The following RNF141 variants were observed in gnomAD, a reference collection of about 807,000 sequenced individuals.
RNF141 encodes ring finger protein 141, also known as C3HC4-like zinc finger protein.
In RNF141, 18 loss-of-function variants were observed where a neutral mutation model predicts 27.4. The ratio of observed to expected loss-of-function variants is 0.66; its 90% CI spans 0.45 to 0.97. The LOEUF (loss-of-function observed/expected upper bound fraction) is 0.97, where lower values mean the gene tolerates loss of function less well. RNF141 is among the 50% of genes least tolerant of loss of function. The probability of loss-of-function intolerance (pLI) is 0.00; values close to 1 mark genes in which losing one functional copy is unlikely to be tolerated. For missense variants in RNF141, 230 were observed against 279.4 expected, an observed-to-expected ratio of 0.82 and a Z score of 1.26; for synonymous variants, 97 against 96.6, an observed-to-expected ratio of 1.00 and a Z score of -0.02.
chr11:10,539,340 A>G (rs1850065143), intron 1 of RNF141, among the ~76,000 whole-genome samples: 1 of 152,108 alleles, frequency 6.6e-6, no homozygotes, highest in Admixed American at 6.5e-5. Flanking sequence ...TGACTAAATG[A>G]CAAGTACTGC....
At position 10,525,080 on chromosome 11, in the gene RNF141, A is replaced by AG. The variant is rs919562722; in HGVS notation, c.434+111dup. ...CTGATCTCAGATACAATACCAACTGAGAAAAAAAAAAGATTTAAGATGCTA... is the reference window on the plus strand; with the variant it reads ...CTGATCTCAGATACAATACCAACTGAGGAAAAAAAAAAGATTTAAGATGCTA... On this transcript the variant is annotated intron_variant, in intron 4 of 5. Transcript: ENST00000265981. The AG allele has an allele frequency of 9.4e-5, 50 of 529,364 alleles. No individual in the cohort carries two copies. The African/African-American group carries it at 2.0e-3, about 21-fold the overall frequency. 32.8% of individuals were successfully genotyped at this position (529,364 alleles called of 1,614,324 possible). A position where few individuals can be genotyped will look rare whatever the true frequency, so the allele number is the denominator to read the frequency against.
intron 2 of RNF141, among the ~76,000 whole-genome samples, chr11:10,531,155 T>TC (rs1284515220): frequency 2.0e-5 from 3 of 151,884 alleles, no homozygotes; most frequent in Non-Finnish European, 4.4e-5. Context: ...GGCAGGCAGA[T>TC]CACGAGGTCA....
chr11:10,532,537 A>ACACT (rs777997279), intron 2 of RNF141, among the ~76,000 whole-genome samples: 1 of 94,988 alleles, frequency 1.1e-5, no homozygotes, highest in Non-Finnish European at 2.4e-5. Flanking sequence ...ACACACACAC[A>ACACT]CCCCACAACT....
intron 3 of RNF141, 131 bp from the exon 4 acceptor site, chr11:10,525,504 G>GA (rs1849925242): frequency 4.8e-6 from 3 of 628,686 alleles, no homozygotes; most frequent in Non-Finnish European, 8.1e-6. Context: ...AATTACATAA[G>GA]AAAGCAAGAG....
At chr11:10,535,543 G>A (rs909404212) in intron 1 of RNF141, among the ~76,000 whole-genome samples, 1 of 150,734 alleles carries the variant, frequency 6.6e-6, no homozygotes, top group Non-Finnish European at 1.5e-5. Context: ...TATCCAAGAA[G>A]AAACAATTAA....
chr11:10,528,410 T>C (rs928707430), intron 3 of RNF141, among the ~76,000 whole-genome samples: 2 of 152,234 alleles, frequency 1.3e-5, no homozygotes, highest in African/African-American at 4.8e-5. Context: ...CCTGTGCCTT[T>C]AGTACTTTTG....
At position 10,525,367 on chromosome 11, in the gene RNF141, T is replaced by C. The variant is rs1019422158; in HGVS notation, c.259A>G (p.Lys87Glu). 4 of 1,554,484 alleles carry C rather than the reference T, an allele frequency of 2.6e-6. No individual in the cohort carries two copies. The African/African-American group carries it at 4.1e-5, about 16-fold the overall frequency. Residue 87 changes from lysine (K) to glutamate (E), a missense_variant, in exon 4 of 6, where the codon AAA (lysine) becomes GAA (glutamate). Transcript: ENST00000265981. Reference protein sequence around the residue: ...VVRVVCTKINKSSGIVEASRI... With the variant: ...VVRVVCTKINESSGIVEASRI... ...GATGCCTCCACAATGCCACTGCTTT[T>C]GTTAATCTAAAAATACAAAGAACAT... is the stretch of plus-strand genomic sequence containing the variant.
intron 2 of RNF141, chr11:10,532,125 C>T (rs4910154): frequency 0.67 from 199,191 of 298,502 alleles, 67,620 homozygotes; most frequent in East Asian, 0.84. Flanking sequence ...AAGGGCAAAA[C>T]TTCATACAAT....
At chr11:10,538,761 G>A (rs1324255220) in intron 1 of RNF141, among the ~76,000 whole-genome samples, 1 of 152,182 alleles carries the variant, frequency 6.6e-6, no homozygotes. Flanking sequence ...AGAAGCAGAA[G>A]TTAAAAATAT....
rs553764776 is a variant in RNF141, at chr11:10,514,540, T to G, written c.*376A>C. 22 of 158,968 alleles carry G rather than the reference T, an allele frequency of 1.4e-4. No homozygotes were observed. The highest frequency in any genetic ancestry group is 2.9e-4 in the Non-Finnish European group (21 of 72,684). The allele number at this position is 158,968 out of a possible 1,614,324, so 9.8% of individuals were successfully genotyped here. ...CTCAGATGGCTACAACTTTTTAATA[T>G]TCGAGGTTTATTTTATATCTAAGTA... On this transcript the variant is annotated 3_prime_UTR_variant, in exon 6 of 6. Coordinates refer to ENST00000265981, the MANE Select transcript of RNF141 (RefSeq NM_016422.4).
intron 1 of RNF141, among the ~76,000 whole-genome samples, chr11:10,538,148 AGT>A (rs1207430837): frequency 6.6e-6 from 1 of 152,220 alleles, no homozygotes; most frequent in Non-Finnish European, 1.5e-5. Flanking sequence ...CCTAACTTTG[AGT>A]AAAGTTTATA....
rs1490752532 is a variant in RNF141 at position 10,512,766 on chromosome 11, A to AT, written c.*2149dup. The AT allele has an allele frequency of 2.0e-5, 3 of 149,540 alleles. No individual in the cohort carries two copies. The highest frequency in any genetic ancestry group is 3.0e-5 in the Non-Finnish European group (2 of 67,296). 9.3% of individuals were successfully genotyped at this position (149,540 alleles called of 1,614,324 possible). Reference sequence around the variant, plus strand: ...AATTTGACTTGAATTTAATTAAAAAATTTTTTTAAAAAAAACGACTCCCAC... The same window carrying AT: ...AATTTGACTTGAATTTAATTAAAAAATTTTTTTTAAAAAAAACGACTCCCAC... On this transcript the variant is annotated 3_prime_UTR_variant, in exon 6 of 6. Coordinates refer to ENST00000265981, the MANE Select transcript of RNF141 (RefSeq NM_016422.4).
chr11:10,537,495 T>C (rs566205028), intron 1 of RNF141, among the ~76,000 whole-genome samples: 74 of 152,304 alleles, frequency 4.9e-4, no homozygotes, highest in African/African-American at 1.8e-3. Flanking sequence ...ATACCTATGA[T>C]AATTTAACCA....
intron 5 of RNF141, chr11:10,517,461 T>G (rs1454792641): frequency 6.6e-6 from 1 of 151,928 alleles, no homozygotes; most frequent in Non-Finnish European, 1.5e-5. Flanking sequence ...GAAAAAATAA[T>G]GGCTGAAAAA....
At chr11:10,521,467 A>G (rs1849887181) in intron 4 of RNF141, among the ~76,000 whole-genome samples, 1 of 152,232 alleles carries the variant, frequency 6.6e-6, no homozygotes, top group African/African-American at 2.4e-5. Context: ...TAATAATATA[A>G]AAACTGACTG....
At chr11:10,530,772 G>A (rs1849979137) in intron 2 of RNF141, 21 bp from the exon 3 acceptor site, 3 of 1,467,090 alleles carry the variant, frequency 2.0e-6, no homozygotes, top group African/African-American at 1.4e-5. Context: ...ACAAGAACAT[G>A]TTAATTTTAT....
At chr11:10,519,264 A>G (rs1849867153) in intron 4 of RNF141, 123 bp from the exon 5 acceptor site, 1 of 635,590 alleles carries the variant, frequency 1.6e-6, no homozygotes, top group South Asian at 2.7e-5. Flanking sequence ...AATATGACTC[A>G]TGTGCAAAAT....
chr11:10,523,156 CAA>C (rs1849903402), intron 4 of RNF141, among the ~76,000 whole-genome samples: 1 of 152,176 alleles, frequency 6.6e-6, no homozygotes. Context: ...TCTTGCTATT[CAA>C]AGTGTTATCT....
intron 4 of RNF141, among the ~76,000 whole-genome samples, chr11:10,523,454 T>A (rs1388026709): frequency 6.6e-6 from 1 of 152,216 alleles, no homozygotes; most frequent in East Asian, 1.9e-4. Context: ...AGTTTATACA[T>A]GTACAACACT....
Sources: gnomAD v4.1 joint callset for allele counts (sites outside exome capture counted in the v4.1 genomes callset) on GRCh38, gnomAD v4.1.1 for gene constraint, MANE v1.5 for transcripts, NCBI Gene and HGNC (gene_info 2026-07-23, HGNC 2026-07-21) for gene names.